KIF9: variants seen among roughly 807,000 people sequenced by gnomAD.
KIF9 encodes the protein kinesin family member 9, also known as kinesin-like protein KIF9.
A neutral mutation model predicts 94.8 loss-of-function variants in KIF9; 68 were observed. The ratio of observed to expected loss-of-function variants is 0.72; its 90% CI spans 0.59 to 0.88. The LOEUF is 0.88. Among genes scored for constraint, KIF9 ranks in the 40% least tolerant of loss-of-function variants. KIF9 has a pLI of 0.00. For synonymous variants in KIF9, 343 were observed against 362.1 expected (o/e 0.95, Z 0.60); for missense variants, 882 against 982.5 (o/e 0.90, Z 1.37).
At position 47,256,548 on chromosome 3, in the gene KIF9, G is replaced by T. The variant is rs867158139; in HGVS notation, c.1059+935C>A. On this transcript the variant is annotated intron_variant, in intron 10 of 20. Transcript: ENST00000684063. ...GGGTCGGCCCCCCGCCCGGCCGGCC[G>T]CCCTGTCCGGGAGGGGAGGGGCGCC... is the stretch of plus-strand genomic sequence containing the variant. Among the ~76,000 whole-genome samples the T allele has an allele frequency of 5.4e-5, 8 of 148,634 alleles. 1 individual carries two copies. Among genetic ancestry groups the T allele is most frequent in the Non-Finnish European group, 1.5e-5 (1 of 67,290 alleles).
chr3:47,228,705 G>A lies in KIF9; in HGVS notation c.2323-3C>T, dbSNP rs747708652. ...ATCATGGTTTTCAAGTAATTATGCTGGACACAGAGGGAAGAGAAAACAGGA... is the reference window on the plus strand; with the variant it reads ...ATCATGGTTTTCAAGTAATTATGCTAGACACAGAGGGAAGAGAAAACAGGA... On this transcript the variant is annotated splice_polypyrimidine_tract_variant and splice_region_variant and intron_variant, in intron 20 of 20. Coordinates refer to ENST00000684063, the MANE Select transcript of KIF9 (RefSeq NM_182902.4). 6.8e-6 allele frequency: 11 copies of A among 1,613,206 alleles called. No homozygotes were observed. The highest frequency in any genetic ancestry group is 9.3e-6 in the Non-Finnish European group (11 of 1,179,246).
chr3:47,241,718 T>TA (rs1229998208), intron 16 of KIF9, among the ~76,000 whole-genome samples: 2 of 149,002 alleles, frequency 1.3e-5, no homozygotes, highest in African/African-American at 4.9e-5. Context: ...CACACACATA[T>TA]AAAACATTTT....
rs1700036302 is a variant in KIF9, at chr3:47,248,002, G to A, written c.1128+16C>T. On this transcript the variant is annotated intron_variant, in intron 11 of 20. Coordinates refer to ENST00000684063, the MANE Select transcript of KIF9 (RefSeq NM_182902.4). ...CCCAGCACCTCTGCCCTCCTTCTTT[G>A]CCTCTAGCCTCTTACCAGGCTGTCA... 1 of 1,599,860 alleles carries A rather than the reference G, an allele frequency of 6.3e-7. No individual in the cohort carries two copies. Among genetic ancestry groups the A allele is most frequent in the African/African-American group, 1.3e-5 (1 of 74,258 alleles).
At chr3:47,278,541 A>G (rs1279797501) in intron 1 of KIF9, among the ~76,000 whole-genome samples, 2 of 152,150 alleles carry the variant, frequency 1.3e-5, no homozygotes, top group Non-Finnish European at 2.9e-5. Flanking sequence ...AAAAAAAACT[A>G]ACTTTTGGCT....
At chr3:47,246,404 T>G (rs1699928636) in intron 12 of KIF9, 152 bp from the exon 13 acceptor site, 1 of 462,574 alleles carries the variant, frequency 2.2e-6, no homozygotes, top group Non-Finnish European at 3.8e-6. Flanking sequence ...CTCAGCGAAG[T>G]GGCAGCCAAG....
chr3:47,240,860 C>A lies in KIF9; in HGVS notation c.1865G>T (p.Arg622Leu). 1 of 1,614,174 alleles carries A rather than the reference C, an allele frequency of 6.2e-7. No individual in the cohort carries two copies. The highest frequency in any genetic ancestry group is 8.5e-7 in the Non-Finnish European group (1 of 1,180,036). Reference protein sequence around the residue: ...ETTQHINAIKREIDVTKEALN... With the variant: ...ETTQHINAIKLEIDVTKEALN... ...GGCCTCCTTGGTCACATCAATCTCC[C>A]GCTTGATGGCATTGATGTGCTGTGT... The change falls in exon 17 of 21, where the codon CGG becomes CTG. Residue 622 changes from arginine to leucine, a missense_variant. Transcript: ENST00000684063.
chr3:47,246,507 C>T lies in KIF9; in HGVS notation c.1234-255G>A, dbSNP rs146369325. 1,710 of 259,306 alleles carry T rather than the reference C, an allele frequency of 6.6e-3. 12 individuals carry two copies. Among genetic ancestry groups the T allele is most frequent in the South Asian group, 0.01 (65 of 6,478 alleles). 16.1% of individuals were successfully genotyped at this position (259,306 alleles called of 1,614,324 possible). On this transcript the variant is annotated intron_variant, in intron 12 of 20. Transcript: ENST00000684063. Reference sequence around the variant, plus strand: ...AACCACCTTTTCGAAGTGGAGACCTCTATAAAATGAAATGATTCTATACCT... The same window carrying T: ...AACCACCTTTTCGAAGTGGAGACCTTTATAAAATGAAATGATTCTATACCT...
chr3:47,281,425 G>A (rs773142149), intron 1 of KIF9, among the ~76,000 whole-genome samples: 1 of 152,112 alleles, frequency 6.6e-6, no homozygotes, highest in African/African-American at 2.4e-5. Context: ...TCGGTTCACC[G>A]TAGCCTCCAC....
At chr3:47,271,185 G>A (rs1039422019) in intron 5 of KIF9, 52 bp downstream of exon 5, 77 of 1,255,476 alleles carry the variant, frequency 6.1e-5, no homozygotes, top group Middle Eastern at 2.5e-4. Flanking sequence ...CTGAGAAGGA[G>A]GGTGGCAGGG....
intron 10 of KIF9, among the ~76,000 whole-genome samples, chr3:47,256,004 C>T (rs1249219441): frequency 3.9e-5 from 6 of 152,236 alleles, no homozygotes; most frequent in South Asian, 4.1e-4. Flanking sequence ...GCGAGTGATC[C>T]GCCAGCCCCG....
chr3:47,258,020 C>T (rs376725877), intron 9 of KIF9, among the ~76,000 whole-genome samples: 2 of 152,204 alleles, frequency 1.3e-5, no homozygotes, highest in East Asian at 1.9e-4. Flanking sequence ...CTTCCACAAA[C>T]CACAGTGATC....
chr3:47,268,584 C>CTTT (rs560574291), intron 5 of KIF9, among the ~76,000 whole-genome samples: 11 of 137,292 alleles, frequency 8.0e-5, no homozygotes, highest in Admixed American at 2.2e-4. Context: ...TTTTCTTCTT[C>CTTT]TTTTTTTTTT....
At chr3:47,255,757 T>C (rs1700536424) in intron 10 of KIF9, among the ~76,000 whole-genome samples, 1 of 152,092 alleles carries the variant, frequency 6.6e-6, no homozygotes, top group South Asian at 2.1e-4. Context: ...ACGGTCTCCC[T>C]CTCCCCACGG....
chr3:47,272,573 G>C (rs969820488), intron 4 of KIF9, among the ~76,000 whole-genome samples: 7 of 152,024 alleles, frequency 4.6e-5, no homozygotes, highest in African/African-American at 1.7e-4. Flanking sequence ...GGATTTCAAA[G>C]ACTTAGTATG....
chr3:47,266,854 T>C (rs1349041314), intron 7 of KIF9, 122 bp downstream of exon 7: 1 of 777,014 alleles, frequency 1.3e-6, no homozygotes, highest in Non-Finnish European at 2.2e-6. Context: ...CATGTCCCAC[T>C]TCGCCTAGCT....
At chr3:47,245,844 T>C in intron 13 of KIF9, 1 of 475,500 alleles carries the variant, frequency 2.1e-6, no homozygotes, top group Non-Finnish European at 3.8e-6. Context: ...TGGAATCACA[T>C]GACCAGCTTT....
chr3:47,233,815 C>T (rs1383118650), intron 20 of KIF9, among the ~76,000 whole-genome samples: 1 of 147,604 alleles, frequency 6.8e-6, no homozygotes, highest in Admixed American at 6.7e-5. Context: ...GGAAGCCAGG[C>T]ACGGTGGCTC....
chr3:47,257,590 G>A (rs1700704976), intron 9 of KIF9, 30 bp from the exon 10 acceptor site: 1 of 1,597,586 alleles, frequency 6.3e-7, no homozygotes, highest in Admixed American at 1.7e-5. Context: ...GACATTAGAT[G>A]GCTCGCCACT....
At chr3:47,245,391 G>C in intron 14 of KIF9, 30 bp downstream of exon 14, 1 of 1,538,386 alleles carries the variant, frequency 6.5e-7, no homozygotes, top group Non-Finnish European at 9.0e-7. Flanking sequence ...TCTGAGGTGA[G>C]TGCTGTCGGC....
Sources: gnomAD v4.1 joint callset for allele counts (sites outside exome capture counted in the v4.1 genomes callset) on GRCh38, gnomAD v4.1.1 for gene constraint, MANE v1.5 for transcripts, NCBI Gene and HGNC (gene_info 2026-07-23, HGNC 2026-07-21) for gene names.